Variants in SLC24A3 observed in about 807,000 individuals in gnomAD.
SLC24A3 encodes solute carrier family 24 member 3, also known as sodium/potassium/calcium exchanger 3.
SLC24A3 carries 28 observed loss-of-function variants against 75.8 expected under a neutral mutation model. The observed-to-expected ratio is 0.37, with a 90% CI of 0.27 to 0.51. SLC24A3 has a LOEUF of 0.51. Among genes scored for constraint, SLC24A3 ranks in the 20% least tolerant of loss-of-function variants. The pLI is 0.94. For synonymous variants in SLC24A3, 372 were observed against 334.1 expected, an observed-to-expected ratio of 1.11 and a Z score of -1.24; for missense variants, 663 against 847.8, an observed-to-expected ratio of 0.78 and a Z score of 2.71.
At chr20:19,431,505 G>A (rs559460400) in intron 2 of SLC24A3, among the ~76,000 whole-genome samples, 13 of 152,206 alleles carry the variant, frequency 8.5e-5, no homozygotes, top group South Asian at 2.1e-4. Context: ...CCATGGGGCC[G>A]TGGGTCTCAG....
intron 2 of SLC24A3, among the ~76,000 whole-genome samples, chr20:19,281,980 T>C (rs1473665509): frequency 1.3e-5 from 2 of 152,174 alleles, no homozygotes; most frequent in Non-Finnish European, 2.9e-5. Context: ...TTTCTGTCCT[T>C]GCCTGGTGGG....
At chr20:19,651,178 T>G (rs961588129) in intron 6 of SLC24A3, among the ~76,000 whole-genome samples, 8 of 152,008 alleles carry the variant, frequency 5.3e-5, no homozygotes, top group Non-Finnish European at 1.5e-5. Context: ...AGTAGCTTTT[T>G]CAGAAAGGAC....
Position 19,546,179 on chromosome 20 carries a change from A to AAAAAAAAAAAAAAC in SLC24A3, c.348+30624_348+30625insAAAACAAAAAAAAA, listed in dbSNP as rs765227499. 1.6e-4 allele frequency among the ~76,000 whole-genome samples: 24 copies of AAAAAAAAAAAAAAC among 147,564 alleles called. 1 individual carries two copies. The highest frequency in any genetic ancestry group is 2.6e-4 in the Non-Finnish European group (17 of 65,572). ...GTCTCAAAAAAAAAAAAAAAAAAAA[A>AAAAAAAAAAAAAAC]AAAAAAAAACCAGGTAATCGACCTG... is the stretch of plus-strand genomic sequence containing the variant. On this transcript the variant is annotated intron_variant, in intron 3 of 16. Transcript: ENST00000328041.
chr20:19,716,784 G>A lies in SLC24A3; in HGVS notation c.1720-744G>A, dbSNP rs971110595. ...TAGTCCTCAGGAGGCTGAGGTGGGA[G>A]GATCACTTGTGGCTGGGAGGTTGAG... On this transcript the variant is annotated intron_variant, in intron 15 of 16. Coordinates refer to ENST00000328041, the MANE Select transcript of SLC24A3 (RefSeq NM_020689.4). Among the ~76,000 whole-genome samples the A allele has an allele frequency of 7.9e-5, 12 of 152,162 alleles. 1 individual carries two copies. Among genetic ancestry groups the A allele is most frequent in the South Asian group, 2.1e-4 (1 of 4,818 alleles).
At chr20:19,258,675 C>T (rs1054599244) in intron 1 of SLC24A3, among the ~76,000 whole-genome samples, 1 of 152,060 alleles carries the variant, frequency 6.6e-6, no homozygotes, top group Non-Finnish European at 1.5e-5. Context: ...GCACTCCAGC[C>T]TGGGTGACAG....
intron 15 of SLC24A3, among the ~76,000 whole-genome samples, chr20:19,701,580 C>A (rs1049971354): frequency 6.6e-6 from 1 of 152,264 alleles, no homozygotes; most frequent in African/African-American, 2.4e-5. Flanking sequence ...TCTGTCTCTA[C>A]TCAGTCATAC....
At chr20:19,696,767 C>A in intron 13 of SLC24A3, 30 bp from the exon 14 acceptor site, 1 of 1,540,914 alleles carries the variant, frequency 6.5e-7, no homozygotes, top group South Asian at 1.1e-5. Flanking sequence ...AGGTGACCCT[C>A]AGCTGACCAC....
At chr20:19,618,081 G>T (rs775458908) in intron 6 of SLC24A3, among the ~76,000 whole-genome samples, 25 of 152,010 alleles carry the variant, frequency 1.6e-4, no homozygotes, top group South Asian at 2.1e-4. Flanking sequence ...CAGGAAAGGA[G>T]TGTCAGCCTG....
chr20:19,655,954 C>T (rs2032260846), intron 7 of SLC24A3, among the ~76,000 whole-genome samples: 1 of 151,976 alleles, frequency 6.6e-6, no homozygotes, highest in Non-Finnish European at 1.5e-5. Context: ...AGAGCCCTAA[C>T]TAATACAGCC....
At position 19,394,544 on chromosome 20, in the gene SLC24A3, A is replaced by G. The variant is rs925790880; in HGVS notation, c.271+113457A>G. Among the ~76,000 whole-genome samples the G allele has an allele frequency of 2.0e-5, 3 of 152,202 alleles. No individual in the cohort carries two copies. The South Asian group carries it at 6.2e-4, about 32-fold the overall frequency. On this transcript the variant is annotated intron_variant, in intron 2 of 16. Transcript: ENST00000328041. ...AAACCCAAATAACCCAAAAAACTCAATAAAGGACTTGAATAGACATTCCTT... is the reference window on the plus strand; with the variant it reads ...AAACCCAAATAACCCAAAAAACTCAGTAAAGGACTTGAATAGACATTCCTT...
rs373832124 is a variant in SLC24A3 at position 19,455,053 on chromosome 20, T to A, written c.272-60435T>A. Among the ~76,000 whole-genome samples, 201 of 152,254 alleles carry A rather than the reference T, an allele frequency of 1.3e-3. 1 individual carries two copies. Among genetic ancestry groups the A allele is most frequent in the African/African-American group, 4.5e-3 (186 of 41,560 alleles). ...TTATCAGCAAGGCAGACTTTTAGTG[T>A]CCCCCAATACCTAACCCTCATATTT... On this transcript the variant is annotated intron_variant, in intron 2 of 16. Coordinates refer to ENST00000328041, the MANE Select transcript of SLC24A3 (RefSeq NM_020689.4).
At chr20:19,329,725 T>A (rs1414035530) in intron 2 of SLC24A3, among the ~76,000 whole-genome samples, 5 of 152,226 alleles carry the variant, frequency 3.3e-5, no homozygotes, top group East Asian at 3.9e-4. Flanking sequence ...AGAAATATTT[T>A]TCCCCCTTCA....
intron 5 of SLC24A3, 114 bp downstream of exon 5, chr20:19,585,169 A>G: frequency 2.1e-6 from 2 of 954,818 alleles, no homozygotes; most frequent in Non-Finnish European, 3.2e-6. Context: ...ATGATAATCC[A>G]GGGACCCCAA....
chr20:19,530,584 A>G (rs2122575129), intron 3 of SLC24A3, among the ~76,000 whole-genome samples: 1 of 152,328 alleles, frequency 6.6e-6, no homozygotes, highest in Admixed American at 6.5e-5. Context: ...AATGAGGAAA[A>G]GCTTCTTAAG....
intron 2 of SLC24A3, among the ~76,000 whole-genome samples, chr20:19,442,012 T>C (rs2122469494): frequency 6.6e-6 from 1 of 152,352 alleles, no homozygotes; most frequent in East Asian, 1.9e-4. Context: ...AAAGCTCCTC[T>C]ATATCATTTT....
chr20:19,370,142 G>C (rs1221794081), intron 2 of SLC24A3, among the ~76,000 whole-genome samples: 1 of 152,144 alleles, frequency 6.6e-6, no homozygotes, highest in East Asian at 1.9e-4. Context: ...AAAATCGCTG[G>C]GTGCAAAGCC....
intron 6 of SLC24A3, among the ~76,000 whole-genome samples, chr20:19,591,949 G>A (rs1408323226): frequency 6.6e-6 from 1 of 152,188 alleles, no homozygotes; most frequent in Non-Finnish European, 1.5e-5. Flanking sequence ...GTGGACATAT[G>A]CTCTCATTTC....
chr20:19,440,322 G>A (rs1247326718), intron 2 of SLC24A3, among the ~76,000 whole-genome samples: 3 of 152,216 alleles, frequency 2.0e-5, no homozygotes, highest in Non-Finnish European at 4.4e-5. Context: ...AGGTAGGAAG[G>A]TTCTATCTGT....
rs1475680221 is a variant in SLC24A3, at chr20:19,693,190, GAAAT to G, written c.1325-65_1325-62del. 45 of 1,509,264 alleles carry G rather than the reference GAAAT, an allele frequency of 3.0e-5. No homozygotes were observed. The Middle Eastern group carries it at 7.2e-4, about 24-fold the overall frequency. 93.5% of individuals were successfully genotyped at this position (1,509,264 alleles called of 1,614,324 possible). A position where few individuals can be genotyped will look rare whatever the true frequency, so the allele number is the denominator to read the frequency against. The stretch of plus-strand genomic sequence containing the variant: ...CAGTACAGACACTTGGCAGAGCAAA[GAAAT>G]AAAGCTAACTGGGGTTCTTTGTTAT... On this transcript the variant is annotated intron_variant, in intron 12 of 16. Transcript: ENST00000328041.
Sources: gnomAD v4.1 joint callset for allele counts (sites outside exome capture counted in the v4.1 genomes callset) on GRCh38, gnomAD v4.1.1 for gene constraint, MANE v1.5 for transcripts, NCBI Gene and HGNC (gene_info 2026-07-23, HGNC 2026-07-21) for gene names.